SULT1E1: variants seen among roughly 807,000 people sequenced by gnomAD.
The protein encoded by SULT1E1 is sulfotransferase 1E1.
A neutral mutation model predicts 33.6 loss-of-function variants in SULT1E1; 36 were observed. That is an observed-to-expected ratio of 1.07 (90% CI 0.82 to 1.41). SULT1E1 has a LOEUF of 1.41. SULT1E1 is among the 40% of genes most tolerant of loss of function. SULT1E1 has a pLI of 0.00. For missense variants in SULT1E1, 371 were observed against 345.7 expected, an observed-to-expected ratio of 1.07 and a Z score of -0.58; for synonymous variants, 121 against 111.7, an observed-to-expected ratio of 1.08 and a Z score of -0.53.
the SULT1E1 span, among the ~76,000 whole-genome samples, chr4:69,828,456 C>T: frequency 6.6e-6 from 1 of 152,092 alleles, no homozygotes; most frequent in Non-Finnish European, 1.5e-5. Flanking sequence ...ACACTCACTG[C>T]AAAGGTCTGC....
chr4:69,859,144 G>C (rs936141274), intron 1 of SULT1E1, among the ~76,000 whole-genome samples: 1 of 151,930 alleles, frequency 6.6e-6, no homozygotes, highest in Admixed American at 6.6e-5. Context: ...GAGTATGTAG[G>C]TCAGTTGTTC....
In SULT1E1 at chr4:69,847,786, T is replaced by C; in HGVS notation, c.503A>G (p.Tyr168Cys). Residue 168 changes from tyrosine (Y) to cysteine (C), a missense_variant, in exon 6 of 8, where the codon TAT becomes TGT. Physicochemically the swap from Tyr to Cys is radical, Grantham distance 194 (BLOSUM62 -2). Transcript: ENST00000226444. ...TTTTACATGTTTATACCAGGAACCA[T>C]AAGGAACTAAAATTAGAGAGAAAAA... ...VEKFMQGQVPYGSWYKHVKSW... is the reference protein window; with the variant it reads ...VEKFMQGQVPCGSWYKHVKSW... 6.2e-7 allele frequency: 1 copy of C among 1,605,284 alleles called. No homozygotes were observed. The highest frequency in any genetic ancestry group is 8.5e-7 in the Non-Finnish European group (1 of 1,173,602).
At position 69,841,840 on chromosome 4, in the gene SULT1E1, CAAAAAAAAA is replaced by C. The variant is rs35543098; in HGVS notation, c.*145_*153del. ...TAGGCAACAGAGTGAGACTCTGTCT[CAAAAAAAAA>C]AAAAAAAAGTTAAACAAAAATTTAA... On this transcript the variant is annotated 3_prime_UTR_variant, in exon 8 of 8. Coordinates refer to ENST00000226444, the MANE Select transcript of SULT1E1 (RefSeq NM_005420.3). The C allele has an allele frequency of 2.6e-5, 8 of 309,144 alleles. No individual in the cohort carries two copies. In the African/African-American group the frequency reaches 3.2e-4, roughly 13 times the overall value. 19.2% of individuals were successfully genotyped at this position (309,144 alleles called of 1,614,324 possible).
the SULT1E1 span, among the ~76,000 whole-genome samples, chr4:69,829,090 TC>T: frequency 6.6e-6 from 1 of 152,316 alleles, no homozygotes; most frequent in Admixed American, 6.5e-5. Flanking sequence ...GAAAAATGCA[TC>T]CTTTAAATCT....
the SULT1E1 span, among the ~76,000 whole-genome samples, chr4:69,829,155 A>G: frequency 6.6e-6 from 1 of 152,200 alleles, no homozygotes; most frequent in Admixed American, 6.5e-5. Context: ...TAAAGTATAC[A>G]GGTTTGGCAC....
At chr4:69,837,535 T>G (rs1226468975), downstream of SULT1E1, among the ~76,000 whole-genome samples, 7 of 151,950 alleles carry the variant, frequency 4.6e-5, no homozygotes, top group Non-Finnish European at 7.4e-5. Context: ...AAATGAGAGG[T>G]TAAAACTTCA....
At chr4:69,833,457 G>GA in the SULT1E1 span, among the ~76,000 whole-genome samples, 1 of 152,192 alleles carries the variant, frequency 6.6e-6, no homozygotes, top group South Asian at 2.1e-4. Flanking sequence ...ACGCATGACT[G>GA]AAATTGCTAA....
the SULT1E1 span, among the ~76,000 whole-genome samples, chr4:69,834,759 T>G: frequency 1.3e-5 from 2 of 152,174 alleles, no homozygotes; most frequent in Admixed American, 1.3e-4. Context: ...ATATCCTTAT[T>G]ATAAATCTAA....
At chr4:69,835,943 C>T in the SULT1E1 span, among the ~76,000 whole-genome samples, 1 of 152,110 alleles carries the variant, frequency 6.6e-6, no homozygotes, top group Non-Finnish European at 1.5e-5. Context: ...AGTTCCTGGC[C>T]TAGGCTTCTT....
chr4:69,849,350 C>A (rs764647955), intron 5 of SULT1E1, 87 bp downstream of exon 5: 4 of 1,488,876 alleles, frequency 2.7e-6, no homozygotes, highest in Non-Finnish European at 3.7e-6. Context: ...AGAAAACGTA[C>A]CAGAACAGTT....
downstream of SULT1E1, among the ~76,000 whole-genome samples, chr4:69,840,257 C>T (rs1283641083): frequency 6.6e-6 from 1 of 151,948 alleles, no homozygotes; most frequent in African/African-American, 2.4e-5. Context: ...GAATAGGGTG[C>T]TCAGAAATCC....
rs775733144 is a variant in SULT1E1 at position 69,849,533 on chromosome 4, C to T, written c.400G>A (p.Val134Met). 1.7e-5 allele frequency: 27 copies of T among 1,608,070 alleles called. No individual in the cohort carries two copies. The highest frequency in any genetic ancestry group is 2.3e-5 in the Non-Finnish European group (27 of 1,177,138). Residue 134 changes from valine to methionine, a missense_variant, in exon 5 of 8, where the codon GTG becomes ATG. Coordinates refer to ENST00000226444, the MANE Select transcript of SULT1E1 (RefSeq NM_005420.3). ...AAGAAATAATAAAAGGAAACAGCCA[C>T]ATCCTTTGCATTCCGGCAAAGATAG... Reference protein sequence around the residue: ...IIYLCRNAKDVAVSFYYFFLM... With the variant: ...IIYLCRNAKDMAVSFYYFFLM...
rs1378996921 is a variant in SULT1E1 at position 69,841,307 on chromosome 4, T to C, written c.*687A>G. 1 of 152,092 alleles carries C rather than the reference T, an allele frequency of 6.6e-6. No homozygotes were observed. The highest frequency in any genetic ancestry group is 1.5e-5 in the Non-Finnish European group (1 of 68,028). 9.4% of individuals were successfully genotyped at this position (152,092 alleles called of 1,614,324 possible). A position where few individuals can be genotyped will look rare whatever the true frequency, so the allele number is the denominator to read the frequency against. ...CCATAGGTTATAGTTGTGCATGATA[T>C]TTATAAAAAATAGAAAAGAAGAAGA... On this transcript the variant is annotated 3_prime_UTR_variant, in exon 8 of 8. Coordinates refer to ENST00000226444, the MANE Select transcript of SULT1E1 (RefSeq NM_005420.3).
intron 6 of SULT1E1, among the ~76,000 whole-genome samples, chr4:69,844,993 G>T (rs886228049): frequency 1.9e-4 from 29 of 152,008 alleles, no homozygotes; most frequent in Non-Finnish European, 2.9e-5. Flanking sequence ...ATAAATTGTA[G>T]TTTGCCTTTT....
intron 4 of SULT1E1, 59 bp downstream of exon 4, chr4:69,854,158 G>T: frequency 8.1e-7 from 1 of 1,233,178 alleles, no homozygotes; most frequent in Non-Finnish European, 1.2e-6. Context: ...TAACTGATGA[G>T]ATCACTCTAT....
intron 1 of SULT1E1, 43 bp from the exon 2 acceptor site, chr4:69,857,696 AT>A: frequency 6.6e-7 from 1 of 1,516,358 alleles, no homozygotes; most frequent in Non-Finnish European, 8.8e-7. Flanking sequence ...GTACTTAACA[AT>A]ATTTCACCAT....
the SULT1E1 span, among the ~76,000 whole-genome samples, chr4:69,824,508 T>A: frequency 2.0e-5 from 3 of 152,170 alleles, no homozygotes; most frequent in African/African-American, 7.2e-5. Context: ...CATAATGGTT[T>A]AGCCATGAGC....
chr4:69,859,261 C>A (rs1307010031), intron 1 of SULT1E1, among the ~76,000 whole-genome samples: 1 of 152,052 alleles, frequency 6.6e-6, no homozygotes, highest in Non-Finnish European at 1.5e-5. Flanking sequence ...TCCTTTCTTT[C>A]TGCATACTCC....
At chr4:69,840,254 G>A (rs1720858761), downstream of SULT1E1, among the ~76,000 whole-genome samples, 1 of 151,884 alleles carries the variant, frequency 6.6e-6, no homozygotes, top group Admixed American at 6.6e-5. Flanking sequence ...ATTGAATAGG[G>A]TGCTCAGAAA....
Sources: gnomAD v4.1 joint callset for allele counts (sites outside exome capture counted in the v4.1 genomes callset) on GRCh38, gnomAD v4.1.1 for gene constraint, MANE v1.5 for transcripts, NCBI Gene and HGNC (gene_info 2026-07-23, HGNC 2026-07-21) for gene names.